The following FRMD5 variants were observed in gnomAD, a reference collection of about 807,000 sequenced individuals.
FRMD5 encodes the protein FERM domain-containing protein 5.
Under a neutral mutation model 69.0 loss-of-function variants are expected in FRMD5, and 20 were observed. That is an observed-to-expected ratio of 0.29 (90% CI 0.20 to 0.42). The LOEUF (loss-of-function observed/expected upper bound fraction) is 0.42, where lower values mean the gene tolerates loss of function less well. Among genes scored for constraint, FRMD5 ranks in the 10% least tolerant of loss-of-function variants. The probability of loss-of-function intolerance (pLI) is 1.00; values close to 1 mark genes in which losing one functional copy is unlikely to be tolerated. For synonymous variants in FRMD5, 271 were observed against 260.1 expected (o/e 1.04, Z -0.40); for missense variants, 595 against 708.6 (o/e 0.84, Z 1.82).
chr15:43,940,687 T>C (rs182586947), intron 1 of FRMD5, among the ~76,000 whole-genome samples: 74 of 152,260 alleles, frequency 4.9e-4, no homozygotes, highest in African/African-American at 1.7e-3. Flanking sequence ...TGAGCTATAA[T>C]AGGCAATAAG....
chr15:43,929,166 C>T (rs989847692), intron 1 of FRMD5, among the ~76,000 whole-genome samples: 3 of 152,132 alleles, frequency 2.0e-5, no homozygotes, highest in Non-Finnish European at 4.4e-5. Flanking sequence ...CTCCCTGGAA[C>T]GCCTGGTTCT....
In FRMD5 at chr15:43,871,937, G is replaced by T. The variant is rs983611071; in HGVS notation, c.*1948C>A. 2 of 152,202 alleles carry T rather than the reference G, an allele frequency of 1.3e-5. No homozygotes were observed. Among genetic ancestry groups the T allele is most frequent in the African/African-American group, 4.8e-5 (2 of 41,450 alleles). The allele number at this position is 152,202 out of a possible 1,614,324, so 9.4% of individuals were successfully genotyped here. On this transcript the variant is annotated 3_prime_UTR_variant, in exon 14 of 14. Coordinates refer to ENST00000417257, the MANE Select transcript of FRMD5 (RefSeq NM_032892.5). ...AAACAGAGCTGACTGACCCTCTTCTGCTAACATACTGGTAAGGATCAGTTT... is the reference window on the plus strand; with the variant it reads ...AAACAGAGCTGACTGACCCTCTTCTTCTAACATACTGGTAAGGATCAGTTT...
chr15:44,192,696 T>C (rs916450083), intron 1 of FRMD5, among the ~76,000 whole-genome samples: 1 of 152,214 alleles, frequency 6.6e-6, no homozygotes, highest in African/African-American at 2.4e-5. Flanking sequence ...TAATTTCATA[T>C]AAGATACTGT....
At chr15:44,044,283 G>T (rs1453322393) in intron 1 of FRMD5, among the ~76,000 whole-genome samples, 1 of 152,224 alleles carries the variant, frequency 6.6e-6, no homozygotes, top group African/African-American at 2.4e-5. Context: ...AGATGCTGGA[G>T]AGGATGTGGG....
At chr15:43,882,745 A>G (rs962878012) in intron 13 of FRMD5, among the ~76,000 whole-genome samples, 2 of 152,222 alleles carry the variant, frequency 1.3e-5, no homozygotes, top group Non-Finnish European at 2.9e-5. Context: ...CTTGGTTAAC[A>G]GTCTCAGCCA....
At chr15:44,038,965 T>C (rs1354416972) in intron 1 of FRMD5, among the ~76,000 whole-genome samples, 1 of 152,064 alleles carries the variant, frequency 6.6e-6, no homozygotes, top group African/African-American at 2.4e-5. Context: ...AGCACAGCAG[T>C]CTGAGGTCGA....
At chr15:44,178,950 C>T (rs1051106880) in intron 1 of FRMD5, among the ~76,000 whole-genome samples, 5 of 151,982 alleles carry the variant, frequency 3.3e-5, no homozygotes. Context: ...CAAGATTGCA[C>T]CACTGTACTC....
intron 1 of FRMD5, among the ~76,000 whole-genome samples, chr15:44,040,426 T>A (rs1212913296): frequency 6.6e-6 from 1 of 152,088 alleles, no homozygotes; most frequent in Non-Finnish European, 1.5e-5. Context: ...AAAGGTCAGG[T>A]TACCCACAAA....
chr15:44,090,008 T>C (rs2076449171), intron 1 of FRMD5, among the ~76,000 whole-genome samples: 1 of 152,164 alleles, frequency 6.6e-6, no homozygotes, highest in Admixed American at 6.6e-5. Flanking sequence ...GTGTACACCC[T>C]GCATGCACAC....
intron 1 of FRMD5, among the ~76,000 whole-genome samples, chr15:44,016,803 TAA>T (rs1890980683): frequency 6.7e-6 from 1 of 150,164 alleles, no homozygotes; most frequent in African/African-American, 2.4e-5. Flanking sequence ...CCTTGGATAA[TAA>T]GAGATAATAA....
chr15:44,183,146 T>C (rs1279674063), intron 1 of FRMD5, among the ~76,000 whole-genome samples: 1 of 152,084 alleles, frequency 6.6e-6, no homozygotes, highest in Non-Finnish European at 1.5e-5. Context: ...CCCAAGGCAC[T>C]GCCCAGCAAC....
intron 13 of FRMD5, chr15:43,879,565 GGGGCCCCATCCTCAGGATGCGCACACTTA>G (rs1484819907): frequency 1.5e-5 from 6 of 398,988 alleles, no homozygotes; most frequent in Non-Finnish European, 2.7e-5. Context: ...CCCTGGAGCC[GGGGCCCCATCCTCAGGATGCGCACACTTA>G]GGGGCCGAAA....
intron 1 of FRMD5, among the ~76,000 whole-genome samples, chr15:43,934,302 G>GGGCA (rs1482816925): frequency 6.6e-6 from 1 of 152,152 alleles, no homozygotes; most frequent in Non-Finnish European, 1.5e-5. Context: ...GTGATCTCTT[G>GGGCA]GGCAGGTCAT....
chr15:43,908,736 C>T (rs1048971079), intron 5 of FRMD5, among the ~76,000 whole-genome samples: 3 of 152,266 alleles, frequency 2.0e-5, no homozygotes, highest in East Asian at 3.9e-4. Context: ...ATATCTCTCC[C>T]ACTGTTTTGC....
chr15:43,987,578 G>A (rs932948195), intron 1 of FRMD5, among the ~76,000 whole-genome samples: 6 of 151,922 alleles, frequency 3.9e-5, no homozygotes, highest in Admixed American at 2.0e-4. Context: ...TTTTTGAGAC[G>A]GAGTCTTGCT....
At position 43,993,353 on chromosome 15, in the gene FRMD5, C is replaced by T. The variant is rs147521116; in HGVS notation, c.103-69044G>A. On this transcript the variant is annotated intron_variant, in intron 1 of 13. Transcript: ENST00000417257. The stretch of plus-strand genomic sequence containing the variant: ...GACTACAGGTGCGTGCCACCATGCC[C>T]GGCTAATTTTTTTGTATTTTTAGTA... Among the ~76,000 whole-genome samples the T allele has an allele frequency of 2.5e-3, 373 of 152,146 alleles. 2 individuals are homozygous for T. The highest frequency in any genetic ancestry group is 8.7e-3 in the African/African-American group (361 of 41,498).
chr15:43,991,655 T>C (rs544584674), intron 1 of FRMD5, among the ~76,000 whole-genome samples: 10 of 152,368 alleles, frequency 6.6e-5, no homozygotes, highest in African/African-American at 2.4e-4. Flanking sequence ...TTCTTGAACA[T>C]TAAACTAGAC....
chr15:44,065,665 C>G (rs1414383711), intron 1 of FRMD5, among the ~76,000 whole-genome samples: 1 of 152,100 alleles, frequency 6.6e-6, no homozygotes, highest in African/African-American at 2.4e-5. Flanking sequence ...ACCCACCCAT[C>G]CTTAAAGAGC....
At chr15:43,880,197 G>C (rs1450436467) in intron 13 of FRMD5, among the ~76,000 whole-genome samples, 1 of 152,236 alleles carries the variant, frequency 6.6e-6, no homozygotes, top group East Asian at 1.9e-4. Flanking sequence ...TTGGGGCTGG[G>C]TGGCTCTGAA....
Sources: gnomAD v4.1 joint callset for allele counts (sites outside exome capture counted in the v4.1 genomes callset) on GRCh38, gnomAD v4.1.1 for gene constraint, MANE v1.5 for transcripts, NCBI Gene and HGNC (gene_info 2026-07-23, HGNC 2026-07-21) for gene names.